Variants in LSM6 observed in about 807,000 individuals in gnomAD.
LSM6 encodes U6 snRNA-associated Sm-like protein LSm6.
Under a neutral mutation model 13.5 loss-of-function variants are expected in LSM6, and 2 were observed. The ratio of observed to expected loss-of-function variants is 0.15; its 90% CI spans 0.06 to 0.47. The LOEUF is 0.47. Ranked by LOEUF, LSM6 falls within the 20% of genes least tolerant of loss-of-function variation. The probability of loss-of-function intolerance (pLI) is 0.97; values close to 1 mark genes in which losing one functional copy is unlikely to be tolerated. For synonymous variants in LSM6, 43 were observed against 34.9 expected (o/e 1.23, Z -0.82); for missense variants, 58 against 96.4 (o/e 0.60, Z 1.67).
chr4:146,186,181 CTTTT>C (rs1455885736), intron 2 of LSM6, among the ~76,000 whole-genome samples: 1 of 152,162 alleles, frequency 6.6e-6, no homozygotes, highest in African/African-American at 2.4e-5. Flanking sequence ...CTTAAGCTTT[CTTTT>C]GCTAGGAAAT....
At chr4:146,184,118 G>T (rs1730294608) in intron 2 of LSM6, among the ~76,000 whole-genome samples, 1 of 151,754 alleles carries the variant, frequency 6.6e-6, no homozygotes, top group South Asian at 2.1e-4. Context: ...AGAAGGCAGA[G>T]GGCAAACCAG....
intron 3 of LSM6, among the ~76,000 whole-genome samples, chr4:146,189,232 A>T (rs1287764368): frequency 6.6e-6 from 1 of 152,084 alleles, no homozygotes; most frequent in East Asian, 1.9e-4. Flanking sequence ...AGCTCAAGTG[A>T]TCCACCCGCT....
At chr4:146,184,735 C>T (rs867225250) in intron 2 of LSM6, among the ~76,000 whole-genome samples, 1 of 152,002 alleles carries the variant, frequency 6.6e-6, no homozygotes, top group South Asian at 2.1e-4. Context: ...TCTCTGTACT[C>T]TTTAGGGAAA....
chr4:146,189,683 T>G lies in LSM6; in HGVS notation c.*27T>G. 1.9e-6 allele frequency: 3 copies of G among 1,566,094 alleles called. No individual in the cohort carries two copies. On this transcript the variant is annotated 3_prime_UTR_variant, in exon 4 of 4. Coordinates refer to ENST00000296581, the MANE Select transcript of LSM6 (RefSeq NM_007080.3). ...GACACCAAGAGAGCAACGCTTTTCA[T>G]AGTTGGATATATTTTTTTATGAATT...
chr4:146,187,482 C>A, intron 3 of LSM6, 95 bp downstream of exon 3: 1 of 677,106 alleles, frequency 1.5e-6, no homozygotes, highest in African/African-American at 1.8e-5. Context: ...TTTAAAAGTC[C>A]ACTTTTAGGC....
intron 1 of LSM6, 41 bp downstream of exon 1, chr4:146,175,852 G>T (rs1402850671): frequency 3.9e-5 from 6 of 152,398 alleles, no homozygotes; most frequent in East Asian, 1.9e-4. Context: ...GGGGCCGGGC[G>T]CAGCCCCAGG....
intron 2 of LSM6, 104 bp downstream of exon 2, chr4:146,183,119 C>G (rs558895077): frequency 2.7e-6 from 2 of 738,218 alleles, no homozygotes; most frequent in African/African-American, 1.8e-5. Context: ...CAAAAAAGTA[C>G]TGGTCATCAG....
chr4:146,187,463 T>C, intron 3 of LSM6, 76 bp downstream of exon 3: 1 of 865,824 alleles, frequency 1.2e-6, no homozygotes, highest in South Asian at 1.9e-5. Context: ...CAAAGAGGTT[T>C]CTAGATAATT....
chr4:146,176,367 C>G (rs988309844), intron 1 of LSM6: 1 of 152,272 alleles, frequency 6.6e-6, no homozygotes, highest in Non-Finnish European at 1.5e-5. Flanking sequence ...ATTGTATGGT[C>G]TTAAGTCCTA....
intron 2 of LSM6, among the ~76,000 whole-genome samples, chr4:146,186,021 G>A (rs1279311644): frequency 6.6e-6 from 1 of 152,192 alleles, no homozygotes; most frequent in Non-Finnish European, 1.5e-5. Flanking sequence ...ACAGGCATGA[G>A]CCACTTTGCC....
chr4:146,179,662 G>T (rs1391950870), intron 1 of LSM6, among the ~76,000 whole-genome samples: 1 of 152,120 alleles, frequency 6.6e-6, no homozygotes. Flanking sequence ...AGGGAGAAAA[G>T]ACCCACATAA....
Position 146,189,655 on chromosome 4 carries a change from G to A in LSM6, c.242G>A (p.Ter81=), listed in dbSNP as rs1047168382. 1.9e-6 allele frequency: 3 copies of A among 1,600,408 alleles called. No homozygotes were observed. The highest frequency in any genetic ancestry group is 2.7e-5 in the African/African-American group (2 of 74,232). The change falls in exon 4 of 4, where the codon TGA becomes TAA. Residue 81 remains the stop codon, a stop_retained_variant. Transcript: ENST00000296581. The part of the protein sequence containing the change: ...LYISTQKRRM[*] ...ATCAGTACACAGAAGAGACGGATGT[G>A]AAGACACCAAGAGAGCAACGCTTTT...
chr4:146,181,874 C>T (rs562990220), intron 1 of LSM6, among the ~76,000 whole-genome samples: 1 of 152,184 alleles, frequency 6.6e-6, no homozygotes, highest in South Asian at 2.1e-4. Context: ...AGAAAAGATG[C>T]GTTTTGAAAG....
At chr4:146,180,909 T>G (rs566596517) in intron 1 of LSM6, 1 of 152,354 alleles carries the variant, frequency 6.6e-6, no homozygotes, top group East Asian at 1.9e-4. Context: ...ATGGGAAGAT[T>G]TGTGTATTTT....
intron 3 of LSM6, 55 bp from the exon 4 acceptor site, chr4:146,189,567 T>A: frequency 3.5e-6 from 4 of 1,143,488 alleles, no homozygotes; most frequent in Non-Finnish European, 5.1e-6. Flanking sequence ...TGCTACTATG[T>A]ATACTTACAA....
intron 1 of LSM6, among the ~76,000 whole-genome samples, chr4:146,182,572 A>T (rs1049825840): frequency 6.6e-6 from 1 of 152,254 alleles, no homozygotes; most frequent in African/African-American, 2.4e-5. Context: ...TGGAAGTGGT[A>T]ATGGTTGTAA....
At chr4:146,187,049 GT>G (rs1171759752) in intron 2 of LSM6, among the ~76,000 whole-genome samples, 1 of 152,190 alleles carries the variant, frequency 6.6e-6, no homozygotes. Context: ...ACAGTTTGTT[GT>G]TTTACCGGGT....
chr4:146,176,666 C>T (rs1730117196), intron 1 of LSM6: 1 of 152,082 alleles, frequency 6.6e-6, no homozygotes, highest in Non-Finnish European at 1.5e-5. Context: ...AAAAACTCTT[C>T]CTAAATATTA....
At chr4:146,189,518 G>A (rs1730422333) in intron 3 of LSM6, 104 bp from the exon 4 acceptor site, 2 of 688,598 alleles carry the variant, frequency 2.9e-6, no homozygotes, top group Non-Finnish European at 5.2e-6. Context: ...CCTTTTAAAT[G>A]TCAGATGTAT....
Sources: allele counts gnomAD v4.1 joint callset (sites outside exome capture counted in the v4.1 genomes callset), GRCh38; gene constraint gnomAD v4.1.1; transcripts MANE v1.5; gene names NCBI Gene and HGNC (gene_info 2026-07-23, HGNC 2026-07-21).